The following CNTN5 variants were observed in gnomAD, a reference collection of about 807,000 sequenced individuals.
CNTN5 encodes contactin 5.
CNTN5 carries 77 observed loss-of-function variants against 129.1 expected under a neutral mutation model. The observed-to-expected ratio is 0.60, with a 90% CI of 0.50 to 0.72. The LOEUF is 0.72. Among genes scored for constraint, CNTN5 ranks in the 30% least tolerant of loss-of-function variants. The pLI is 0.00. For synonymous variants in CNTN5, 509 were observed against 465.6 expected (o/e 1.09, Z -1.20); for missense variants, 1,478 against 1,328.8 (o/e 1.11, Z -1.75).
intron 1 of CNTN5, among the ~76,000 whole-genome samples, chr11:99,121,505 T>C (rs1431094285): frequency 1.3e-5 from 2 of 152,190 alleles, no homozygotes; most frequent in Admixed American, 1.3e-4. Flanking sequence ...TATTCTGGCC[T>C]GGGCCAAATG....
chr11:100,185,932 C>A (rs2138476683), intron 13 of CNTN5, among the ~76,000 whole-genome samples: 1 of 152,202 alleles, frequency 6.6e-6, no homozygotes, highest in Non-Finnish European at 1.5e-5. Context: ...TGTTGTTAAA[C>A]AACGTAATCT....
chr11:100,061,701 C>T (rs1277818964), intron 10 of CNTN5, among the ~76,000 whole-genome samples: 2 of 152,164 alleles, frequency 1.3e-5, no homozygotes, highest in African/African-American at 4.8e-5. Flanking sequence ...AACTTATTAA[C>T]TTATTCTACA....
At chr11:99,497,822 C>T (rs970648449) in intron 2 of CNTN5, among the ~76,000 whole-genome samples, 18 of 152,044 alleles carry the variant, frequency 1.2e-4, no homozygotes, top group East Asian at 1.9e-4. Flanking sequence ...TAGGAATCAT[C>T]GTTTTCACAT....
rs186863052 is a variant in CNTN5, at chr11:99,717,751, A to T, written c.56-101793A>T. On this transcript the variant is annotated intron_variant, in intron 3 of 24. Coordinates refer to ENST00000524871, the MANE Select transcript of CNTN5 (RefSeq NM_014361.4). ...CCAAAATCCAGGTCAGGTGTTCTTC[A>T]AATGCATATAGAGGGAAAAAGTACC... is the stretch of plus-strand genomic sequence containing the variant. Among the ~76,000 whole-genome samples, 558 of 152,248 alleles carry T rather than the reference A, an allele frequency of 3.7e-3. 3 individuals are homozygous for T. Among genetic ancestry groups the T allele is most frequent in the African/African-American group, 0.013 (531 of 41,570 alleles).
intron 2 of CNTN5, among the ~76,000 whole-genome samples, chr11:99,537,132 G>A (rs1320682376): frequency 6.6e-6 from 1 of 152,104 alleles, no homozygotes; most frequent in East Asian, 1.9e-4. Context: ...TTAGCTACTG[G>A]AAAAAGGAAG....
At chr11:100,081,501 G>T (rs955976754) in intron 13 of CNTN5, among the ~76,000 whole-genome samples, 1 of 152,120 alleles carries the variant, frequency 6.6e-6, no homozygotes, top group Non-Finnish European at 1.5e-5. Flanking sequence ...CACCTGCAAG[G>T]TGGTAAGATG....
rs75458693 is a variant in CNTN5, at chr11:99,721,522, T to C, written c.56-98022T>C. Among the ~76,000 whole-genome samples the C allele has an allele frequency of 3.1e-3, 469 of 152,166 alleles. 2 individuals are homozygous for C. The highest frequency in any genetic ancestry group is 0.011 in the African/African-American group (457 of 41,510). On this transcript the variant is annotated intron_variant, in intron 3 of 24. Transcript: ENST00000524871. ...GACTTAAATGTAAAACCCCAAGCTA[T>C]AAAAACCCTGGAAGACAACCTAGGC...
chr11:99,582,636 C>G (rs1009692607), intron 3 of CNTN5, among the ~76,000 whole-genome samples: 1 of 152,188 alleles, frequency 6.6e-6, no homozygotes, highest in East Asian at 1.9e-4. Flanking sequence ...GAGGCTTGTG[C>G]ATTCACACAT....
chr11:99,464,013 C>T (rs1944838746), intron 2 of CNTN5, among the ~76,000 whole-genome samples: 5 of 152,086 alleles, frequency 3.3e-5, no homozygotes, highest in Admixed American at 2.6e-4. Flanking sequence ...TTATGATGAT[C>T]ATAGTGAATT....
intron 1 of CNTN5, among the ~76,000 whole-genome samples, chr11:99,121,322 C>G (rs12797877): frequency 1.3e-5 from 2 of 151,814 alleles, no homozygotes; most frequent in South Asian, 4.2e-4. Flanking sequence ...TTTAGTAGAG[C>G]TAGGGTTTCA....
intron 6 of CNTN5, among the ~76,000 whole-genome samples, chr11:99,894,515 C>CA (rs202067813): frequency 0.24 from 25,290 of 106,876 alleles, 2,622 homozygotes; most frequent in East Asian, 0.36. Flanking sequence ...GTACCAGCAG[C>CA]AAAAAAAAAA....
At chr11:99,223,281 A>G (rs949402388) in intron 1 of CNTN5, among the ~76,000 whole-genome samples, 19 of 152,218 alleles carry the variant, frequency 1.2e-4, no homozygotes, top group Admixed American at 7.9e-4. Context: ...TAATGGGTCT[A>G]AATAATCTTA....
chr11:99,445,861 A>G (rs1944042712), intron 2 of CNTN5, among the ~76,000 whole-genome samples: 1 of 152,042 alleles, frequency 6.6e-6, no homozygotes, highest in Non-Finnish European at 1.5e-5. Flanking sequence ...AGGCAGGCGG[A>G]TCACCTGAGG....
At chr11:99,778,088 A>C (rs1945187380) in intron 3 of CNTN5, among the ~76,000 whole-genome samples, 1 of 151,798 alleles carries the variant, frequency 6.6e-6, no homozygotes, top group Non-Finnish European at 1.5e-5. Flanking sequence ...TTTTCAACTT[A>C]TCTTACCAGA....
intron 3 of CNTN5, among the ~76,000 whole-genome samples, chr11:99,708,180 T>A (rs903122003): frequency 1.3e-4 from 20 of 151,724 alleles, no homozygotes. Flanking sequence ...ACATTTTTCC[T>A]CCTATGGGAA....
chr11:99,819,316 TCCC>T (rs1565566912), intron 3 of CNTN5, among the ~76,000 whole-genome samples: 26 of 42,094 alleles, frequency 6.2e-4, no homozygotes, highest in African/African-American at 8.3e-4. Flanking sequence ...TCCCCTCTCC[TCCC>T]CTCCCCTCCC....
chr11:99,258,078 A>G (rs1024104893), intron 1 of CNTN5, among the ~76,000 whole-genome samples: 11 of 152,186 alleles, frequency 7.2e-5, no homozygotes, highest in African/African-American at 2.6e-4. Flanking sequence ...GGAGTTTTGA[A>G]ACCACATCCA....
At chr11:99,596,596 T>G (rs148393258) in intron 3 of CNTN5, among the ~76,000 whole-genome samples, 146 of 152,304 alleles carry the variant, frequency 9.6e-4, no homozygotes, top group African/African-American at 3.1e-3. Context: ...TGTCTTTGCT[T>G]CAGAAGTAAA....
intron 9 of CNTN5, among the ~76,000 whole-genome samples, chr11:100,008,613 T>C (rs2137509635): frequency 6.6e-6 from 1 of 152,224 alleles, no homozygotes; most frequent in South Asian, 2.1e-4. Flanking sequence ...AATGTAATAT[T>C]ACACCTTGAG....
Sources: allele counts gnomAD v4.1 joint callset (sites outside exome capture counted in the v4.1 genomes callset), GRCh38; gene constraint gnomAD v4.1.1; transcripts MANE v1.5; gene names NCBI Gene and HGNC (gene_info 2026-07-23, HGNC 2026-07-21).